The following ATP11B variants were observed in gnomAD, a reference collection of about 807,000 sequenced individuals.
The protein encoded by ATP11B is ATPase phospholipid transporting 11B (putative), also known as phospholipid-transporting ATPase IF.
Under a neutral mutation model 157.8 loss-of-function variants are expected in ATP11B, and 81 were observed. That is an observed-to-expected ratio of 0.51 (90% CI 0.43 to 0.62). The LOEUF is 0.62. Ranked by LOEUF, ATP11B falls within the 20% of genes least tolerant of loss-of-function variation. The pLI is 0.00. For missense variants in ATP11B, 1,165 were observed against 1,402.2 expected (o/e 0.83, Z 2.70); for synonymous variants, 451 against 469.4 (o/e 0.96, Z 0.51).
At chr3:182,873,475 ATCT>A (rs1423581455) in intron 18 of ATP11B, among the ~76,000 whole-genome samples, 3 of 152,218 alleles carry the variant, frequency 2.0e-5, no homozygotes, top group Non-Finnish European at 4.4e-5. Context: ...AAGGAGAAAA[ATCT>A]TCTTGTTTGA....
chr3:182,830,869 T>C (rs1192830467), intron 4 of ATP11B, among the ~76,000 whole-genome samples: 1 of 152,218 alleles, frequency 6.6e-6, no homozygotes, highest in Non-Finnish European at 1.5e-5. Context: ...TCAGTCGATA[T>C]GCATTTAAAT....
chr3:182,873,532 T>C (rs185995437), intron 18 of ATP11B, among the ~76,000 whole-genome samples: 1 of 152,346 alleles, frequency 6.6e-6, no homozygotes, highest in African/African-American at 2.4e-5. Flanking sequence ...GAAGAGCACA[T>C]AGTTTCATCC....
chr3:182,886,058 C>T (rs991638906), intron 23 of ATP11B, 48 bp downstream of exon 23: 8 of 1,239,054 alleles, frequency 6.5e-6, no homozygotes, highest in Middle Eastern at 2.0e-4. Context: ...TTTAGAGTAA[C>T]GTATGTATGT....
intron 15 of ATP11B, among the ~76,000 whole-genome samples, chr3:182,867,901 A>G (rs1322579327): frequency 6.6e-6 from 1 of 152,192 alleles, no homozygotes; most frequent in Non-Finnish European, 1.5e-5. Flanking sequence ...TTGTTTTAAA[A>G]AGAGGTAAAA....
intron 1 of ATP11B, among the ~76,000 whole-genome samples, chr3:182,806,195 T>C (rs1259669978): frequency 6.6e-6 from 1 of 152,234 alleles, no homozygotes; most frequent in Non-Finnish European, 1.5e-5. Context: ...CTTATTCCAT[T>C]ACTTTCTGAC....
rs143289516 is a variant in ATP11B at position 182,914,816 on chromosome 3, T to C, written c.3452+822T>C. ...AAGAGTTATATCACTATTTAGAGGA[T>C]GTTAGGGGGTAGAAAGAGCTTTTTC... is the stretch of plus-strand genomic sequence containing the variant. On this transcript the variant is annotated intron_variant, in intron 29 of 29. Coordinates refer to ENST00000323116, the MANE Select transcript of ATP11B (RefSeq NM_014616.3). 3.0e-6 allele frequency: 3 copies of C among 985,350 alleles called. No individual in the cohort carries two copies. The African/African-American group carries it at 5.2e-5, about 17-fold the overall frequency. The allele number at this position is 985,350 out of a possible 1,614,324, so 61.0% of individuals were successfully genotyped here. A position where few individuals can be genotyped will look rare whatever the true frequency, so the allele number is the denominator to read the frequency against.
intron 20 of ATP11B, among the ~76,000 whole-genome samples, chr3:182,880,318 A>C (rs1473541542): frequency 6.6e-6 from 1 of 152,204 alleles, no homozygotes; most frequent in African/African-American, 2.4e-5. Flanking sequence ...ATTTTGTTAC[A>C]GTACTGATAC....
chr3:182,866,121 A>T, intron 13 of ATP11B, 147 bp from the exon 14 acceptor site: 1 of 563,316 alleles, frequency 1.8e-6, no homozygotes, highest in Non-Finnish European at 2.9e-6. Context: ...GTGACATTTT[A>T]CTTTTTGAAG....
chr3:182,806,963 C>T (rs1343673480), intron 1 of ATP11B, among the ~76,000 whole-genome samples: 2 of 151,952 alleles, frequency 1.3e-5, no homozygotes, highest in African/African-American at 4.8e-5. Flanking sequence ...CTGCTTATTT[C>T]CACACTGAGA....
In ATP11B at chr3:182,889,336, A is replaced by G. The variant is rs560810668; in HGVS notation, c.2844-74A>G. On this transcript the variant is annotated intron_variant, in intron 24 of 29. Coordinates refer to ENST00000323116, the MANE Select transcript of ATP11B (RefSeq NM_014616.3). ...AAATCTATCTTGTTTTTTAATTATCATATTATATTAATTGTTTAGTGGGCA... is the reference window on the plus strand; with the variant it reads ...AAATCTATCTTGTTTTTTAATTATCGTATTATATTAATTGTTTAGTGGGCA... 182 of 1,043,742 alleles carry G rather than the reference A, an allele frequency of 1.7e-4. 2 individuals are homozygous for G. In the African/African-American group the frequency reaches 2.8e-3, roughly 16 times the overall value. The allele number at this position is 1,043,742 out of a possible 1,614,324, so 64.7% of individuals were successfully genotyped here. A position where few individuals can be genotyped will look rare whatever the true frequency, so the allele number is the denominator to read the frequency against.
chr3:182,880,775 T>G (rs1010032379), intron 20 of ATP11B, 104 bp from the exon 21 acceptor site: 3 of 544,930 alleles, frequency 5.5e-6, no homozygotes, highest in Non-Finnish European at 9.0e-6. Flanking sequence ...AATTAAATAT[T>G]TCTTTCATTA....
intron 4 of ATP11B, 150 bp downstream of exon 4, chr3:182,829,902 A>C: frequency 7.0e-7 from 1 of 1,433,282 alleles, no homozygotes. Context: ...AAACTGAATT[A>C]GCCACTCTGT....
chr3:182,898,518 G>T (rs1419483171), intron 27 of ATP11B, 89 bp from the exon 28 acceptor site: 31 of 993,824 alleles, frequency 3.1e-5, no homozygotes, highest in Non-Finnish European at 3.5e-5. Flanking sequence ...TGGAGTACTT[G>T]TTACTTTCAA....
intron 14 of ATP11B, among the ~76,000 whole-genome samples, chr3:182,866,684 A>G (rs549511725): frequency 6.6e-6 from 1 of 151,574 alleles, no homozygotes; most frequent in East Asian, 1.9e-4. Flanking sequence ...TACTATAAAA[A>G]TCTGTGTAAT....
chr3:182,860,143 C>T (rs1490086176), intron 12 of ATP11B, among the ~76,000 whole-genome samples: 1 of 152,146 alleles, frequency 6.6e-6, no homozygotes, highest in African/African-American at 2.4e-5. Flanking sequence ...CTACCTGTGG[C>T]TTATTCTCTT....
chr3:182,874,105 GT>G, intron 19 of ATP11B, 90 bp downstream of exon 19: 1 of 1,079,226 alleles, frequency 9.3e-7, no homozygotes, highest in East Asian at 2.6e-5. Context: ...GTCACTGCCT[GT>G]TTTTTACAGC....
At chr3:182,823,927 A>G (rs1474282974) in intron 2 of ATP11B, among the ~76,000 whole-genome samples, 2 of 152,098 alleles carry the variant, frequency 1.3e-5, no homozygotes, top group African/African-American at 2.4e-5. Flanking sequence ...CACCGCCATA[A>G]TCAAGATGTG....
intron 29 of ATP11B, chr3:182,916,423 A>G: frequency 1.0e-6 from 1 of 985,364 alleles, no homozygotes; most frequent in Non-Finnish European, 1.2e-6. Flanking sequence ...CATTTGTACC[A>G]TCCAGGCACA....
At chr3:182,902,567 GTAGA>G in intron 28 of ATP11B, 1 of 1,288,888 alleles carries the variant, frequency 7.8e-7, no homozygotes, top group African/African-American at 1.5e-5. Flanking sequence ...GCAAACTTAG[GTAGA>G]GTAGGAGGAG....
Sources: allele counts gnomAD v4.1 joint callset (sites outside exome capture counted in the v4.1 genomes callset), GRCh38; gene constraint gnomAD v4.1.1; transcripts MANE v1.5; gene names NCBI Gene and HGNC (gene_info 2026-07-23, HGNC 2026-07-21).